The following NUGGC variants were observed in gnomAD, a reference collection of about 807,000 sequenced individuals.
NUGGC encodes the protein nuclear GTPase SLIP-GC.
A neutral mutation model predicts 92.6 loss-of-function variants in NUGGC; 58 were observed. That is an observed-to-expected ratio of 0.63 (90% CI 0.51 to 0.78). The LOEUF is 0.78. Ranked by LOEUF, NUGGC falls within the 30% of genes least tolerant of loss-of-function variation. NUGGC has a pLI of 0.00. For missense variants in NUGGC, 925 were observed against 964.6 expected (o/e 0.96, Z 0.54); for synonymous variants, 376 against 366.4 (o/e 1.03, Z -0.30).
chr8:28,035,970 A>C (rs1369730686), intron 13 of NUGGC, among the ~76,000 whole-genome samples: 1 of 152,146 alleles, frequency 6.6e-6, no homozygotes, highest in Non-Finnish European at 1.5e-5. Flanking sequence ...GCAGCCTCCA[A>C]CACCTGGGCT....
intron 18 of NUGGC, 148 bp downstream of exon 18, chr8:28,026,814 T>C: frequency 3.1e-6 from 2 of 638,046 alleles, no homozygotes; most frequent in South Asian, 1.7e-5. Context: ...ATCGTCATCA[T>C]CTCCATTCCT....
intron 8 of NUGGC, 196 bp downstream of exon 8, chr8:28,060,230 G>T (rs540585927): frequency 7.2e-6 from 5 of 693,746 alleles, no homozygotes; most frequent in Non-Finnish European, 1.3e-5. Flanking sequence ...ACCCTGGAAG[G>T]TTCAGATTCC....
chr8:28,082,433 T>C (rs530532220), intron 1 of NUGGC, among the ~76,000 whole-genome samples: 2 of 152,370 alleles, frequency 1.3e-5, no homozygotes, highest in South Asian at 4.1e-4. Flanking sequence ...AGGCATAAGA[T>C]GACACTTCCC....
intron 10 of NUGGC, among the ~76,000 whole-genome samples, chr8:28,049,397 G>C (rs1306656456): frequency 1.3e-5 from 2 of 152,222 alleles, no homozygotes; most frequent in Non-Finnish European, 2.9e-5. Flanking sequence ...AGTTTAAGTA[G>C]AGTTTTAAAA....
At chr8:28,032,847 G>A (rs1247121730) in intron 14 of NUGGC, among the ~76,000 whole-genome samples, 1 of 151,938 alleles carries the variant, frequency 6.6e-6, no homozygotes, top group Non-Finnish European at 1.5e-5. Flanking sequence ...AACAGACACA[G>A]CATCTTCAGT....
rs1809281863 is a variant in NUGGC at position 28,027,046 on chromosome 8, T to C, written c.2161A>G (p.Ile721Val). ...QHQFQQLKTG[I>V]VEKVKGSITT... is the part of the protein sequence containing the mutation. The stretch of plus-strand genomic sequence containing the variant: ...ATGCTGCCCTTCACCTTCTCCACGA[T>C]TCCAGTCTATGCAACAAGGACATTC... Residue 721 changes from isoleucine to valine, a missense_variant, in exon 18 of 19, where the codon ATC becomes GTC. By Grantham distance (29) the Ile-to-Val change is conservative. Coordinates refer to ENST00000413272, the MANE Select transcript of NUGGC (RefSeq NM_001010906.2). 2 of 1,612,296 alleles carry C rather than the reference T, an allele frequency of 1.2e-6. No individual in the cohort carries two copies. Among genetic ancestry groups the C allele is most frequent in the Non-Finnish European group, 1.7e-6 (2 of 1,178,394 alleles).
chr8:28,038,426 G>A (rs1398161033), intron 13 of NUGGC, among the ~76,000 whole-genome samples: 2 of 152,096 alleles, frequency 1.3e-5, no homozygotes, highest in African/African-American at 2.4e-5. Flanking sequence ...ATCACTTTAC[G>A]TTCATTCTTT....
At chr8:28,027,498 G>A (rs1809297143) in intron 17 of NUGGC, among the ~76,000 whole-genome samples, 2 of 152,154 alleles carry the variant, frequency 1.3e-5, no homozygotes, top group Non-Finnish European at 2.9e-5. Flanking sequence ...TCACCTTACT[G>A]TACATGTCTG....
intron 10 of NUGGC, among the ~76,000 whole-genome samples, chr8:28,051,436 TCAAA>T (rs575877796): frequency 1.4e-3 from 208 of 152,290 alleles, no homozygotes; most frequent in African/African-American, 4.9e-3. Context: ...ATTAACCACC[TCAAA>T]CAATATATGC....
At position 28,075,175 on chromosome 8, in the gene NUGGC, C is replaced by G. The variant is rs1395981514; in HGVS notation, c.-46-719G>C. On this transcript the variant is annotated intron_variant, in intron 1 of 18. Coordinates refer to ENST00000413272, the MANE Select transcript of NUGGC (RefSeq NM_001010906.2). ...GAACATTAGATATTCCTAGAGTTCC[C>G]TGGAGTTGCTTTGGGGGGCTGCTGA... Among the ~76,000 whole-genome samples, 5 of 152,238 alleles carry G rather than the reference C, an allele frequency of 3.3e-5. No homozygotes were observed. In the East Asian group the frequency reaches 7.7e-4, roughly 24 times the overall value.
At position 28,029,298 on chromosome 8, in the gene NUGGC, C is replaced by G; in HGVS notation, c.2122G>C (p.Glu708Gln). 6.2e-7 allele frequency: 1 copy of G among 1,607,596 alleles called. No homozygotes were observed. Among genetic ancestry groups the G allele is most frequent in the Non-Finnish European group, 8.5e-7 (1 of 1,177,018 alleles). The change falls in exon 17 of 19, where the codon GAA becomes CAA. Residue 708 changes from glutamate (E) to glutamine (Q), a missense_variant. Physicochemically the swap from Glu to Gln is conservative, Grantham distance 29. Coordinates refer to ENST00000413272, the MANE Select transcript of NUGGC (RefSeq NM_001010906.2). Reference protein sequence around the residue: ...VAEGMFERAQERMQHQFQQLK... With the variant: ...VAEGMFERAQQRMQHQFQQLK... ...TGCTGAAACTGGTGCTGCATCCTTT[C>G]CTGGGCCCTTTCAAACATGCCCTCA...
At chr8:28,047,738 C>A (rs1384359656) in intron 10 of NUGGC, 126 bp from the exon 11 acceptor site, 3 of 578,042 alleles carry the variant, frequency 5.2e-6, no homozygotes, top group South Asian at 2.5e-5. Context: ...ATGACCCTCT[C>A]TGGGAACAGA....
At chr8:28,037,954 G>C (rs73570974) in intron 13 of NUGGC, among the ~76,000 whole-genome samples, 1,771 of 152,282 alleles carry the variant, frequency 0.012, 42 homozygotes, top group African/African-American at 0.04. Context: ...ATCATGCTGA[G>C]GTTAACAAAC....
rs1563231174 is a variant in NUGGC, at chr8:28,070,356, A to G, written c.44T>C (p.Val15Ala). 7.0e-7 allele frequency: 1 copy of G among 1,429,638 alleles called. No individual in the cohort carries two copies. Among genetic ancestry groups the G allele is most frequent in the Non-Finnish European group, 9.6e-7 (1 of 1,036,444 alleles). The allele number at this position is 1,429,638 out of a possible 1,614,324, so 88.6% of individuals were successfully genotyped here. ...TCGTTCTTTATATAAATCATCTTCA[A>G]CTAGAGATAAACAGAGGATATATAA... ...KDVFGQEPHP[V>A]EDDLYKERTR... The change falls in exon 3 of 19, where the codon GTT (valine) becomes GCT (alanine). Residue 15 changes from valine to alanine, a missense_variant and splice_region_variant. By Grantham distance (64) the Val-to-Ala change is moderately conservative (BLOSUM62 0). Coordinates refer to ENST00000413272, the MANE Select transcript of NUGGC (RefSeq NM_001010906.2).
At chr8:28,030,707 G>A (rs928900824) in intron 15 of NUGGC, among the ~76,000 whole-genome samples, 2 of 152,006 alleles carry the variant, frequency 1.3e-5, no homozygotes, top group African/African-American at 4.8e-5. Context: ...GGCCCTCTCT[G>A]GGGGGCAGAG....
At chr8:28,069,440 A>T in intron 4 of NUGGC, 104 bp downstream of exon 4, 1 of 634,750 alleles carries the variant, frequency 1.6e-6, no homozygotes. Flanking sequence ...CTCTTTTCTT[A>T]GTTTCTAATT....
intron 1 of NUGGC, among the ~76,000 whole-genome samples, chr8:28,075,578 C>T (rs984176308): frequency 2.6e-5 from 4 of 152,164 alleles, no homozygotes; most frequent in African/African-American, 7.2e-5. Flanking sequence ...ATCACTCAGC[C>T]GTGTATTTCA....
At chr8:28,051,518 A>G (rs1224130396) in intron 10 of NUGGC, among the ~76,000 whole-genome samples, 1 of 152,242 alleles carries the variant, frequency 6.6e-6, no homozygotes, top group East Asian at 1.9e-4. Context: ...CTAACATATA[A>G]AAGAATATTA....
rs376284260 is a variant in NUGGC at position 28,026,952 on chromosome 8, G to A, written c.2245+10C>T. ...CAATCACCCTGTATACAAAGCTTTG[G>A]CGTATTTACCTGCAAGCTCCTTGTA... On this transcript the variant is annotated intron_variant, in intron 18 of 18. Transcript: ENST00000413272. 1.3e-6 allele frequency: 2 copies of A among 1,589,902 alleles called. No homozygotes were observed. Among genetic ancestry groups the A allele is most frequent in the African/African-American group, 1.3e-5 (1 of 74,386 alleles).
Sources: gnomAD v4.1 joint callset for allele counts (sites outside exome capture counted in the v4.1 genomes callset) on GRCh38, gnomAD v4.1.1 for gene constraint, MANE v1.5 for transcripts, NCBI Gene and HGNC (gene_info 2026-07-23, HGNC 2026-07-21) for gene names.